Variants in OSBPL10 observed in about 807,000 individuals in gnomAD.
The protein encoded by OSBPL10 is oxysterol binding protein like 10.
Under a neutral mutation model 81.7 loss-of-function variants are expected in OSBPL10, and 49 were observed. That is an observed-to-expected ratio of 0.60 (90% CI 0.48 to 0.76). The LOEUF is 0.76. Among genes scored for constraint, OSBPL10 ranks in the 30% least tolerant of loss-of-function variants. The pLI is 0.00. For synonymous variants in OSBPL10, 419 were observed against 383.6 expected (o/e 1.09, Z -1.08); for missense variants, 923 against 987.8 (o/e 0.93, Z 0.88).
At chr3:31,830,738 A>C (rs931717491) in intron 3 of OSBPL10, among the ~76,000 whole-genome samples, 17 of 152,220 alleles carry the variant, frequency 1.1e-4, no homozygotes, top group African/African-American at 3.9e-4. Flanking sequence ...AGATGCTTTC[A>C]TGCTCATCTT....
At chr3:31,803,345 T>C (rs1699438793) in intron 4 of OSBPL10, among the ~76,000 whole-genome samples, 2 of 152,306 alleles carry the variant, frequency 1.3e-5, no homozygotes, top group Admixed American at 1.3e-4. Flanking sequence ...GCCAAGTCTA[T>C]AGCACCGTGA....
chr3:32,069,632 GA>G (rs970446989), intron 1 of OSBPL10, among the ~76,000 whole-genome samples: 11 of 152,088 alleles, frequency 7.2e-5, no homozygotes, highest in Non-Finnish European at 1.5e-4. Flanking sequence ...CCTGACATTA[GA>G]AAAAAGCTTT....
chr3:31,979,873 C>CA (rs1698782411), intron 1 of OSBPL10, among the ~76,000 whole-genome samples: 1 of 151,950 alleles, frequency 6.6e-6, no homozygotes, highest in African/African-American at 2.4e-5. Context: ...TTCTCAACTG[C>CA]AAGGGGGAAG....
At chr3:31,963,517 T>C (rs1485435159) in intron 1 of OSBPL10, among the ~76,000 whole-genome samples, 1 of 152,102 alleles carries the variant, frequency 6.6e-6, no homozygotes, top group Non-Finnish European at 1.5e-5. Context: ...AAAACAATGA[T>C]TTGAAGGCTC....
intron 3 of OSBPL10, among the ~76,000 whole-genome samples, chr3:31,849,629 G>A (rs905096041): frequency 6.6e-6 from 1 of 152,064 alleles, no homozygotes; most frequent in East Asian, 1.9e-4. Flanking sequence ...CTATAACGTT[G>A]TTATACAAGA....
At chr3:32,042,121 C>A (rs919899463) in intron 2 of OSBPL10, among the ~76,000 whole-genome samples, 1 of 152,096 alleles carries the variant, frequency 6.6e-6, no homozygotes, top group Non-Finnish European at 1.5e-5. Flanking sequence ...GTTTTTCTAC[C>A]CACAGCTCCA....
intron 2 of OSBPL10, among the ~76,000 whole-genome samples, chr3:32,019,488 G>A (rs72855526): frequency 0.021 from 3,137 of 152,250 alleles, 100 homozygotes; most frequent in East Asian, 0.15. Context: ...AAGCAGAGAC[G>A]TGTGGTAGGA....
At chr3:31,809,270 A>G (rs1192843582) in intron 4 of OSBPL10, among the ~76,000 whole-genome samples, 1 of 152,250 alleles carries the variant, frequency 6.6e-6, no homozygotes, top group Non-Finnish European at 1.5e-5. Flanking sequence ...TGCAATCCAC[A>G]GGAAGTAATA....
rs1697573588 is a variant in OSBPL10 at position 31,747,842 on chromosome 3, A to G, written c.940+68T>C. On this transcript the variant is annotated intron_variant, in intron 5 of 11. Transcript: ENST00000396556. ...GAGAAATGGATGGAATTAAAGGAGGAAGACAGTGGGACACAGACACAGTGT... is the reference window on the plus strand; with the variant it reads ...GAGAAATGGATGGAATTAAAGGAGGGAGACAGTGGGACACAGACACAGTGT... 30 of 1,472,136 alleles carry G rather than the reference A, an allele frequency of 2.0e-5. 1 individual carries two copies. The South Asian group carries it at 3.3e-4, about 16-fold the overall frequency. 91.2% of individuals were successfully genotyped at this position (1,472,136 alleles called of 1,614,324 possible).
At chr3:31,792,734 ACACAGAGTGTGTGT>A (rs1699051913) in intron 4 of OSBPL10, among the ~76,000 whole-genome samples, 3 of 130,186 alleles carry the variant, frequency 2.3e-5, no homozygotes, top group African/African-American at 9.5e-5. Context: ...AGCTATCCAG[ACACAGAGTGTGTGT>A]GTGTGTGTGT....
chr3:31,866,212 T>C (rs141072451), intron 3 of OSBPL10, among the ~76,000 whole-genome samples: 6 of 152,216 alleles, frequency 3.9e-5, no homozygotes, highest in Non-Finnish European at 8.8e-5. Flanking sequence ...CCCACTCCTG[T>C]CTCCTCCTTC....
intron 3 of OSBPL10, among the ~76,000 whole-genome samples, chr3:31,873,141 A>G (rs1173905922): frequency 6.6e-6 from 1 of 152,102 alleles, no homozygotes; most frequent in Non-Finnish European, 1.5e-5. Flanking sequence ...GACTCTATAT[A>G]TTTGTCAAAA....
chr3:32,072,178 G>T (rs1699835069), intron 1 of OSBPL10, among the ~76,000 whole-genome samples: 1 of 152,050 alleles, frequency 6.6e-6, no homozygotes, highest in African/African-American at 2.4e-5. Flanking sequence ...GCTGAAAGAG[G>T]TTTCCTTACT....
chr3:31,752,959 G>A (rs146618297), intron 4 of OSBPL10, among the ~76,000 whole-genome samples: 1 of 152,232 alleles, frequency 6.6e-6, no homozygotes, highest in East Asian at 1.9e-4. Flanking sequence ...AGCCTCAACC[G>A]GTGCCCCAGT....
At chr3:31,679,288 T>C (rs1700575302) in intron 8 of OSBPL10, among the ~76,000 whole-genome samples, 1 of 152,224 alleles carries the variant, frequency 6.6e-6, no homozygotes, top group African/African-American at 2.4e-5. Context: ...CCTTCCTACT[T>C]TGTCTCTTAG....
chr3:31,866,798 T>G (rs1701192945), intron 3 of OSBPL10, among the ~76,000 whole-genome samples: 1 of 152,188 alleles, frequency 6.6e-6, no homozygotes, highest in South Asian at 2.1e-4. Context: ...AGGCCACAAG[T>G]GAATTAATGT....
At chr3:31,839,270 A>G (rs1480314199) in intron 3 of OSBPL10, among the ~76,000 whole-genome samples, 2 of 152,216 alleles carry the variant, frequency 1.3e-5, no homozygotes, top group Non-Finnish European at 2.9e-5. Context: ...TATCATACAC[A>G]AACATGAAAT....
intron 4 of OSBPL10, among the ~76,000 whole-genome samples, chr3:31,802,609 CCT>C (rs1699413687): frequency 6.7e-6 from 1 of 150,002 alleles, no homozygotes; most frequent in Admixed American, 6.7e-5. Flanking sequence ...GTGGAAGACT[CCT>C]CTCTCTCTCC....
intron 7 of OSBPL10, among the ~76,000 whole-genome samples, 186 bp downstream of exon 7, chr3:31,702,173 C>T (rs910951676): frequency 2.6e-5 from 4 of 152,200 alleles, no homozygotes; most frequent in Admixed American, 6.5e-5. Flanking sequence ...CTGAGGATAA[C>T]CATTTATGTA....
Sources: gnomAD v4.1 joint callset for allele counts (sites outside exome capture counted in the v4.1 genomes callset) on GRCh38, gnomAD v4.1.1 for gene constraint, MANE v1.5 for transcripts, NCBI Gene and HGNC (gene_info 2026-07-23, HGNC 2026-07-21) for gene names.